DDX60L: variants seen among roughly 807,000 people sequenced by gnomAD.
DDX60L encodes the protein DExD/H-box 60 like, also known as probable ATP-dependent RNA helicase DDX60-like.
A neutral mutation model predicts 211.6 loss-of-function variants in DDX60L; 191 were observed. The observed-to-expected ratio is 0.90, with a 90% CI of 0.80 to 1.02. DDX60L has a LOEUF of 1.02. DDX60L is among the 50% of genes least tolerant of loss of function. The pLI, the probability that DDX60L is intolerant of heterozygous loss-of-function variation, is 0.00. For missense variants in DDX60L, 2,007 were observed against 1,984.1 expected, an observed-to-expected ratio of 1.01 and a Z score of -0.22; for synonymous variants, 706 against 694.1, an observed-to-expected ratio of 1.02 and a Z score of -0.27.
At chr4:168,445,611 A>G (rs1322122881) in intron 9 of DDX60L, among the ~76,000 whole-genome samples, 7 of 152,086 alleles carry the variant, frequency 4.6e-5, no homozygotes, top group Non-Finnish European at 7.4e-5. Context: ...CTTGATGAAC[A>G]TTGATGCAAA....
At chr4:168,365,899 G>A (rs567392201) in intron 36 of DDX60L, among the ~76,000 whole-genome samples, 57 of 152,086 alleles carry the variant, frequency 3.7e-4, no homozygotes, top group East Asian at 9.6e-4. Flanking sequence ...GAGATAAATA[G>A]CATTAACAGG....
rs374085265 is a variant in DDX60L at position 168,441,327 on chromosome 4, C to A, written c.1294+10G>T. Reference sequence around the variant, plus strand: ...TGCTTTTGTTCCACTTTAATTTACCCATTTAGTACCTTGAATGACCGATTT... The same window carrying A: ...TGCTTTTGTTCCACTTTAATTTACCAATTTAGTACCTTGAATGACCGATTT... On this transcript the variant is annotated intron_variant, in intron 10 of 37. Coordinates refer to ENST00000682922, the MANE Select transcript of DDX60L (RefSeq NM_001012967.3). 6 of 1,582,404 alleles carry A rather than the reference C, an allele frequency of 3.8e-6. No individual in the cohort carries two copies. The African/African-American group carries it at 4.1e-5, about 11-fold the overall frequency.
At chr4:168,368,141 G>A (rs1579183732) in intron 36 of DDX60L, among the ~76,000 whole-genome samples, 1 of 152,328 alleles carries the variant, frequency 6.6e-6, no homozygotes, top group East Asian at 1.9e-4. Context: ...CCAGGATGTG[G>A]CAGAGGTCTT....
At chr4:168,477,229 C>A (rs1394534696) in intron 1 of DDX60L, among the ~76,000 whole-genome samples, 1 of 152,080 alleles carries the variant, frequency 6.6e-6, no homozygotes, top group African/African-American at 2.4e-5. Context: ...TCCTGGCTAA[C>A]ATGGTGAAAC....
intron 25 of DDX60L, among the ~76,000 whole-genome samples, chr4:168,401,800 T>C (rs1367204995): frequency 6.6e-6 from 1 of 152,182 alleles, no homozygotes; most frequent in Non-Finnish European, 1.5e-5. Context: ...CCTATTTAGC[T>C]GATCAGCATT....
At chr4:168,434,515 G>T (rs534497885) in intron 10 of DDX60L, among the ~76,000 whole-genome samples, 1 of 152,200 alleles carries the variant, frequency 6.6e-6, no homozygotes, top group Non-Finnish European at 1.5e-5. Flanking sequence ...AAATTGCTGT[G>T]GGAACTGCTA....
At chr4:168,475,742 C>T (rs1366115368) in intron 1 of DDX60L, among the ~76,000 whole-genome samples, 1 of 151,914 alleles carries the variant, frequency 6.6e-6, no homozygotes, top group Non-Finnish European at 1.5e-5. Context: ...TTTTAAAGCC[C>T]TAAACCCCAG....
At chr4:168,369,721 A>G (rs1245442658) in intron 36 of DDX60L, among the ~76,000 whole-genome samples, 1 of 152,036 alleles carries the variant, frequency 6.6e-6, no homozygotes, top group African/African-American at 2.4e-5. Flanking sequence ...CATAAGAAAC[A>G]TAACAGCAAA....
chr4:168,388,917 G>A (rs960319053), intron 29 of DDX60L, among the ~76,000 whole-genome samples: 14 of 152,154 alleles, frequency 9.2e-5, no homozygotes, highest in Non-Finnish European at 2.1e-4. Flanking sequence ...TAGCAATAAG[G>A]GCATTCTGAT....
At chr4:168,438,963 A>G (rs1753447550) in intron 10 of DDX60L, among the ~76,000 whole-genome samples, 1 of 152,224 alleles carries the variant, frequency 6.6e-6, no homozygotes, top group Non-Finnish European at 1.5e-5. Flanking sequence ...GTATCACAGT[A>G]TTTAGGTTAC....
intron 5 of DDX60L, among the ~76,000 whole-genome samples, chr4:168,458,664 G>A (rs1172550413): frequency 2.0e-5 from 3 of 152,156 alleles, no homozygotes. Context: ...GGGAACGGGG[G>A]AGGGAGAGCA....
At chr4:168,448,442 C>A (rs1010801781) in intron 9 of DDX60L, among the ~76,000 whole-genome samples, 196 bp downstream of exon 9, 1 of 152,072 alleles carries the variant, frequency 6.6e-6, no homozygotes, top group Non-Finnish European at 1.5e-5. Flanking sequence ...GCTATCATAT[C>A]ATAGCATATC....
intron 28 of DDX60L, among the ~76,000 whole-genome samples, chr4:168,392,581 C>T (rs144298857): frequency 2.8e-4 from 43 of 152,136 alleles, no homozygotes; most frequent in African/African-American, 8.7e-4. Flanking sequence ...TAGTGGCTCA[C>T]GCCTGTAACT....
intron 24 of DDX60L, among the ~76,000 whole-genome samples, chr4:168,405,742 A>T (rs968684972): frequency 3.3e-5 from 5 of 152,208 alleles, no homozygotes; most frequent in African/African-American, 7.2e-5. Flanking sequence ...CCTATGGTGC[A>T]TGTTTTAAAG....
intron 30 of DDX60L, among the ~76,000 whole-genome samples, chr4:168,382,812 G>A (rs980258578): frequency 6.6e-6 from 1 of 152,054 alleles, no homozygotes; most frequent in Admixed American, 6.6e-5. Context: ...GAATGAAAAA[G>A]TTAGCAAGTG....
intron 36 of DDX60L, among the ~76,000 whole-genome samples, chr4:168,368,918 C>T (rs190764947): frequency 6.6e-6 from 1 of 152,206 alleles, no homozygotes; most frequent in Non-Finnish European, 1.5e-5. Context: ...CCTCATACCC[C>T]CACTGTATCT....
chr4:168,422,990 T>TGG, intron 15 of DDX60L, among the ~76,000 whole-genome samples: 1 of 150,706 alleles, frequency 6.6e-6, no homozygotes, highest in African/African-American at 2.5e-5. Flanking sequence ...TGTGTGTGTG[T>TGG]GTGTGTGTGT....
intron 4 of DDX60L, among the ~76,000 whole-genome samples, chr4:168,464,182 C>T (rs1038493716): frequency 2.1e-4 from 32 of 152,088 alleles, no homozygotes; most frequent in Non-Finnish European, 4.0e-4. Context: ...AATGACATTT[C>T]TAGAAGATTA....
chr4:168,435,561 C>A, intron 10 of DDX60L, among the ~76,000 whole-genome samples: 1 of 152,130 alleles, frequency 6.6e-6, no homozygotes, highest in East Asian at 1.9e-4. Context: ...ATTGTTTGAG[C>A]AAAATAATAT....
Sources: allele counts gnomAD v4.1 joint callset (sites outside exome capture counted in the v4.1 genomes callset), GRCh38; gene constraint gnomAD v4.1.1; transcripts MANE v1.5; gene names NCBI Gene and HGNC (gene_info 2026-07-23, HGNC 2026-07-21).